Variants in DNER observed in about 807,000 individuals in gnomAD.
The protein encoded by DNER is delta/notch like EGF repeat containing.
In DNER, 33 loss-of-function variants were observed where a neutral mutation model predicts 78.2. The observed-to-expected ratio is 0.42, with a 90% CI of 0.32 to 0.56. The LOEUF (loss-of-function observed/expected upper bound fraction) is 0.56, where lower values mean the gene tolerates loss of function less well. DNER is among the 20% of genes least tolerant of loss of function. DNER has a pLI of 0.11. For synonymous variants in DNER, 417 were observed against 384.8 expected, an observed-to-expected ratio of 1.08 and a Z score of -0.98; for missense variants, 918 against 975.3, an observed-to-expected ratio of 0.94 and a Z score of 0.78.
chr2:229,444,813 C>T (rs185606192), intron 8 of DNER, among the ~76,000 whole-genome samples: 10 of 152,016 alleles, frequency 6.6e-5, no homozygotes, highest in African/African-American at 1.2e-4. Context: ...CGCTTGAACC[C>T]GGGAGGCAGA....
intron 1 of DNER, among the ~76,000 whole-genome samples, chr2:229,682,705 G>A (rs10201955): frequency 0.2 from 29,796 of 151,998 alleles, 3,291 homozygotes; most frequent in East Asian, 0.37. Context: ...AAAATTAGCC[G>A]GGCGTGGTGG....
chr2:229,640,664 A>C (rs1698602670), intron 1 of DNER, among the ~76,000 whole-genome samples: 1 of 152,256 alleles, frequency 6.6e-6, no homozygotes, highest in Admixed American at 6.5e-5. Context: ...TTCTCAGAAC[A>C]ATGTGTGCAC....
chr2:229,555,955 C>T (rs1374497420), intron 4 of DNER, among the ~76,000 whole-genome samples: 2 of 152,130 alleles, frequency 1.3e-5, no homozygotes, highest in African/African-American at 4.8e-5. Context: ...CATACCTTTG[C>T]TTCATTCTCT....
intron 8 of DNER, among the ~76,000 whole-genome samples, chr2:229,435,324 T>C (rs1406905121): frequency 2.0e-5 from 3 of 152,180 alleles, no homozygotes; most frequent in Non-Finnish European, 4.4e-5. Flanking sequence ...CCAGCTGGCT[T>C]GCCAGCTGAC....
intron 9 of DNER, among the ~76,000 whole-genome samples, chr2:229,408,975 A>C (rs12999104): frequency 0.3 from 45,404 of 152,068 alleles, 6,915 homozygotes; most frequent in South Asian, 0.37. Flanking sequence ...GGGATACAGC[A>C]TCCCGCAGCC....
chr2:229,585,646 C>T (rs527397844), intron 4 of DNER, among the ~76,000 whole-genome samples: 18 of 148,478 alleles, frequency 1.2e-4, no homozygotes, highest in South Asian at 1.1e-3. Flanking sequence ...GGTGACTGAG[C>T]GAGACTCCAT....
At position 229,358,370 on chromosome 2, in the gene DNER, G is replaced by T; in HGVS notation, c.*170C>A. The T allele has an allele frequency of 1.8e-6, 1 of 554,344 alleles. No homozygotes were observed. The highest frequency in any genetic ancestry group is 3.0e-6 in the Non-Finnish European group (1 of 329,792). 34.3% of individuals were successfully genotyped at this position (554,344 alleles called of 1,614,324 possible). A position where few individuals can be genotyped will look rare whatever the true frequency, so the allele number is the denominator to read the frequency against. On this transcript the variant is annotated 3_prime_UTR_variant, in exon 13 of 13. Transcript: ENST00000341772. ...ATCGTCTATAGGTTTCACAAATTTTGTTTTTAAAATATTTTTTCCAAACTA... is the reference window on the plus strand; with the variant it reads ...ATCGTCTATAGGTTTCACAAATTTTTTTTTTAAAATATTTTTTCCAAACTA...
intron 6 of DNER, among the ~76,000 whole-genome samples, chr2:229,507,034 A>G (rs117629891): frequency 0.028 from 4,317 of 152,284 alleles, 149 homozygotes; most frequent in East Asian, 0.16. Context: ...TAGGCTACAA[A>G]TCTGTACAGC....
At chr2:229,638,769 C>T (rs1378768383) in intron 1 of DNER, among the ~76,000 whole-genome samples, 1 of 152,188 alleles carries the variant, frequency 6.6e-6, no homozygotes, top group African/African-American at 2.4e-5. Flanking sequence ...GAATTATATC[C>T]TTTCACTACT....
rs79059454 is a variant in DNER at position 229,500,838 on chromosome 2, C to T, written c.1147+11945G>A. ...CTGTACCCAACTTGCAGTCTTTTAT[C>T]TCTCACCCCCCTCCCGCCCTTTCCA... On this transcript the variant is annotated intron_variant, in intron 6 of 12. Coordinates refer to ENST00000341772, the MANE Select transcript of DNER (RefSeq NM_139072.4). Among the ~76,000 whole-genome samples, 980 of 152,278 alleles carry T rather than the reference C, an allele frequency of 6.4e-3. 16 individuals are homozygous for T. The highest frequency in any genetic ancestry group is 0.023 in the African/African-American group (949 of 41,530).
intron 1 of DNER, among the ~76,000 whole-genome samples, chr2:229,612,878 A>G (rs1559182652): frequency 6.6e-6 from 1 of 152,250 alleles, no homozygotes; most frequent in Non-Finnish European, 1.5e-5. Flanking sequence ...GACAAGTTCT[A>G]TTACTATGTG....
At chr2:229,541,000 C>A (rs1182306848) in intron 5 of DNER, among the ~76,000 whole-genome samples, 1 of 152,208 alleles carries the variant, frequency 6.6e-6, no homozygotes, top group Non-Finnish European at 1.5e-5. Flanking sequence ...GTTATTGAAC[C>A]ATTATATCAC....
At chr2:229,506,882 T>C (rs1457949863) in intron 6 of DNER, among the ~76,000 whole-genome samples, 1 of 152,176 alleles carries the variant, frequency 6.6e-6, no homozygotes, top group African/African-American at 2.4e-5. Context: ...CAATCATGCA[T>C]TGCGTAATGA....
At chr2:229,376,778 T>C (rs207652) in intron 11 of DNER, among the ~76,000 whole-genome samples, 4,326 of 152,282 alleles carry the variant, frequency 0.028, 205 homozygotes, top group African/African-American at 0.098. Context: ...GCAATAAATG[T>C]CTAACAGTAG....
chr2:229,364,064 CT>C (rs1178084393), intron 12 of DNER, among the ~76,000 whole-genome samples: 11 of 139,036 alleles, frequency 7.9e-5, no homozygotes, highest in Non-Finnish European at 1.5e-4. Context: ...GGAGTTTCAC[CT>C]TGTTAGCCAG....
intron 8 of DNER, among the ~76,000 whole-genome samples, chr2:229,426,836 G>A (rs559195631): frequency 1.1e-4 from 16 of 152,230 alleles, no homozygotes; most frequent in African/African-American, 2.2e-4. Context: ...CTGAGTAATC[G>A]TGCTTCTGTC....
intron 6 of DNER, among the ~76,000 whole-genome samples, chr2:229,503,053 C>T (rs544839059): frequency 1.3e-5 from 2 of 152,206 alleles, no homozygotes; most frequent in South Asian, 4.2e-4. Context: ...CTTTTTTCTC[C>T]ACTACCTGAT....
intron 4 of DNER, among the ~76,000 whole-genome samples, chr2:229,576,291 T>G (rs993840480): frequency 4.6e-5 from 7 of 151,370 alleles, no homozygotes; most frequent in Non-Finnish European, 8.8e-5. Context: ...GAGGACAAAA[T>G]GTAACATTCC....
intron 4 of DNER, among the ~76,000 whole-genome samples, chr2:229,561,837 T>C (rs1416209188): frequency 6.6e-6 from 1 of 151,966 alleles, no homozygotes; most frequent in Non-Finnish European, 1.5e-5. Flanking sequence ...GGATGTGGAG[T>C]TTTTGCTGTG....
Sources: allele counts gnomAD v4.1 joint callset (sites outside exome capture counted in the v4.1 genomes callset), GRCh38; gene constraint gnomAD v4.1.1; transcripts MANE v1.5; gene names NCBI Gene and HGNC (gene_info 2026-07-23, HGNC 2026-07-21).